The following LZTFL1 variants were observed in gnomAD, a reference collection of about 807,000 sequenced individuals.
LZTFL1 encodes leucine zipper transcription factor like 1.
LZTFL1 carries 25 observed loss-of-function variants against 45.9 expected under a neutral mutation model. The observed-to-expected ratio is 0.54, with a 90% CI of 0.40 to 0.76. The LOEUF is 0.76. Among genes scored for constraint, LZTFL1 ranks in the 30% least tolerant of loss-of-function variants. LZTFL1 has a pLI of 0.00. For synonymous variants in LZTFL1, 93 were observed against 117.4 expected, an observed-to-expected ratio of 0.79 and a Z score of 1.35; for missense variants, 277 against 331.1, an observed-to-expected ratio of 0.84 and a Z score of 1.27.
chr3:45,875,081 C>T (rs1442609855), intron 2 of LZTFL1, among the ~76,000 whole-genome samples: 2 of 152,230 alleles, frequency 1.3e-5, no homozygotes, highest in African/African-American at 2.4e-5. Flanking sequence ...GTTTAAGCCA[C>T]TACATTTTGG....
chr3:45,834,743 A>G (rs61157369), intron 3 of LZTFL1: 11,596 of 154,360 alleles, frequency 0.075, 519 homozygotes, highest in Non-Finnish European at 0.088. Context: ...ACAAATTCCT[A>G]GGAAAGACAG....
exon 2 of LZTFL1, chr3:45,913,168 C>CTGT (rs1347800198): frequency 2.0e-6 from 3 of 1,534,992 alleles, no homozygotes; most frequent in Non-Finnish European, 8.7e-7. Flanking sequence ...GGCTGACTTA[C>CTGT]AGCAAGAGCC....
chr3:45,892,278 C>T (rs1229985080), intron 2 of LZTFL1, among the ~76,000 whole-genome samples: 1 of 152,148 alleles, frequency 6.6e-6, no homozygotes, highest in Middle Eastern at 3.2e-3. Flanking sequence ...CATTCCAACA[C>T]TATTCACAAT....
intron 2 of LZTFL1, among the ~76,000 whole-genome samples, chr3:45,904,065 A>T (rs1702632411): frequency 6.6e-6 from 1 of 152,200 alleles, no homozygotes; most frequent in Non-Finnish European, 1.5e-5. Flanking sequence ...GGGCAGCCTC[A>T]CCAGGACAAT....
chr3:45,838,188 C>CAGCCAGG, intron 1 of LZTFL1, 137 bp from the exon 2 acceptor site: 4 of 909,544 alleles, frequency 4.4e-6, no homozygotes, highest in Non-Finnish European at 4.8e-6. Context: ...TTCCTGGCTG[C>CAGCCAGG]ATGGCTGCCC....
chr3:45,834,086 C>T, intron 4 of LZTFL1, 152 bp downstream of exon 4: 1 of 565,992 alleles, frequency 1.8e-6, no homozygotes, highest in South Asian at 2.4e-5. Flanking sequence ...TTTCTTTTGC[C>T]TGAAAATATG....
At chr3:45,836,437 T>C (rs1179812906) in intron 2 of LZTFL1, among the ~76,000 whole-genome samples, 2 of 152,118 alleles carry the variant, frequency 1.3e-5, no homozygotes, top group Non-Finnish European at 2.9e-5. Flanking sequence ...GGTGGATCAC[T>C]TGAGGTCAGG....
intron 2 of LZTFL1, chr3:45,897,618 T>G: frequency 6.5e-7 from 1 of 1,535,150 alleles, no homozygotes; most frequent in Non-Finnish European, 8.7e-7. Context: ...ATCCATCTCC[T>G]TCCAGGACCT....
exon 4 of LZTFL1, chr3:45,855,018 T>C: frequency 6.5e-7 from 1 of 1,535,374 alleles, no homozygotes; most frequent in Non-Finnish European, 8.7e-7. Flanking sequence ...CCCAGCTTCT[T>C]GGAAAAGTCA....
intron 2 of LZTFL1, among the ~76,000 whole-genome samples, chr3:45,898,294 G>A (rs746019826): frequency 3.3e-5 from 5 of 152,160 alleles, no homozygotes; most frequent in Non-Finnish European, 7.4e-5. Flanking sequence ...GCTGGTTCCC[G>A]TGTCCAGCGT....
chr3:45,830,041 G>C (rs891456575), intron 7 of LZTFL1, among the ~76,000 whole-genome samples: 3 of 152,168 alleles, frequency 2.0e-5, no homozygotes, highest in Admixed American at 6.5e-5. Flanking sequence ...AACCAGACTG[G>C]CCATGCATTG....
chr3:45,846,552 A>G (rs778387754), upstream of LZTFL1, among the ~76,000 whole-genome samples: 15 of 152,228 alleles, frequency 9.9e-5, no homozygotes, highest in Non-Finnish European at 1.9e-4. Context: ...CTTACCAATA[A>G]CATAAATAGT....
intron 2 of LZTFL1, among the ~76,000 whole-genome samples, chr3:45,867,989 C>T (rs1475992157): frequency 1.3e-5 from 2 of 149,172 alleles, no homozygotes; most frequent in Non-Finnish European, 1.5e-5. Context: ...AGAAGATTTT[C>T]CATTAGGTAT....
chr3:45,837,972 C>A lies in LZTFL1; in HGVS notation c.83G>T (p.Arg28Ile). ...GAAGCAGGAATCTACAGTTTTGAGT[C>A]TCAAGCCTCTCTTTGAACGAGCAAA... is the stretch of plus-strand genomic sequence containing the variant. ...MRFARSKRGLRLKTVDSCFQD... is the reference protein window; with the variant it reads ...MRFARSKRGLILKTVDSCFQD... The change falls in exon 2 of 10, where the codon AGA becomes ATA. Residue 28 changes from arginine (R) to isoleucine (I), a missense_variant. By Grantham distance (97) the Arg-to-Ile change is moderately conservative (BLOSUM62 -3). Transcript: ENST00000296135. 1 of 1,613,800 alleles carries A rather than the reference C, an allele frequency of 6.2e-7. No individual in the cohort carries two copies. The highest frequency in any genetic ancestry group is 1.1e-5 in the South Asian group (1 of 90,990).
At chr3:45,834,690 G>T (rs1394424859) in intron 3 of LZTFL1, 1 of 157,240 alleles carries the variant, frequency 6.4e-6, no homozygotes, top group African/African-American at 2.4e-5. Flanking sequence ...AGTAGTCTCA[G>T]AAAAATGAAA....
chr3:45,899,460 GTTAATA>G (rs1301363203), intron 2 of LZTFL1, among the ~76,000 whole-genome samples: 2 of 152,190 alleles, frequency 1.3e-5, no homozygotes, highest in Non-Finnish European at 2.9e-5. Flanking sequence ...TTATATATTT[GTTAATA>G]TTAACTGTTC....
At chr3:45,835,404 G>A in intron 3 of LZTFL1, 186 bp downstream of exon 3, 1 of 570,958 alleles carries the variant, frequency 1.8e-6, no homozygotes, top group Admixed American at 3.3e-5. Flanking sequence ...AGTAGAAACA[G>A]AGAACTTTTA....
intron 7 of LZTFL1, 48 bp from the exon 8 acceptor site, chr3:45,828,663 A>G (rs752299139): frequency 5.5e-6 from 8 of 1,461,732 alleles, no homozygotes; most frequent in Non-Finnish European, 7.6e-6. Flanking sequence ...ATATTCTAAA[A>G]ATAACTGTTT....
chr3:45,889,760 C>T (rs1702090605), intron 2 of LZTFL1, among the ~76,000 whole-genome samples: 1 of 151,646 alleles, frequency 6.6e-6, no homozygotes, highest in African/African-American at 2.4e-5. Context: ...TCTTGAGGAC[C>T]TCTTTTCTAT....
Sources: gnomAD v4.1 joint callset for allele counts (sites outside exome capture counted in the v4.1 genomes callset) on GRCh38, gnomAD v4.1.1 for gene constraint, MANE v1.5 for transcripts, NCBI Gene and HGNC (gene_info 2026-07-23, HGNC 2026-07-21) for gene names.